Variants in ALPK1 observed in about 807,000 individuals in gnomAD.
The protein encoded by ALPK1 is alpha-protein kinase 1.
A neutral mutation model predicts 120.6 loss-of-function variants in ALPK1; 110 were observed. The ratio of observed to expected loss-of-function variants is 0.91; its 90% CI spans 0.78 to 1.07. The LOEUF is 1.07. ALPK1 is among the 50% of genes least tolerant of loss of function. The pLI, the probability that ALPK1 is intolerant of heterozygous loss-of-function variation, is 0.00. For synonymous variants in ALPK1, 582 were observed against 560.3 expected (o/e 1.04, Z -0.55); for missense variants, 1,498 against 1,483.9 (o/e 1.01, Z -0.16).
chr4:112,410,490 G>A (rs914590874), intron 4 of ALPK1, among the ~76,000 whole-genome samples: 1 of 152,226 alleles, frequency 6.6e-6, no homozygotes, highest in Admixed American at 6.5e-5. Flanking sequence ...GTAAGTGTTA[G>A]TACTTAGGAT....
chr4:112,352,186 C>T (rs17589910), intron 2 of ALPK1, among the ~76,000 whole-genome samples: 4,702 of 152,200 alleles, frequency 0.031, 127 homozygotes, highest in South Asian at 0.12. Context: ...TCATCAAATG[C>T]GGAACAACTA....
chr4:112,333,702 A>C (rs189143884), intron 2 of ALPK1, among the ~76,000 whole-genome samples: 3 of 152,332 alleles, frequency 2.0e-5, no homozygotes, highest in East Asian at 3.9e-4. Flanking sequence ...AGCACTTAAG[A>C]ATCCATTTTC....
intron 10 of ALPK1, among the ~76,000 whole-genome samples, chr4:112,429,698 G>A (rs1431870680): frequency 6.6e-6 from 1 of 151,950 alleles, no homozygotes; most frequent in Admixed American, 6.5e-5. Flanking sequence ...AAATTGGCCA[G>A]GTGTGGTGGT....
intron 3 of ALPK1, among the ~76,000 whole-genome samples, chr4:112,382,191 G>T (rs566080965): frequency 6.6e-6 from 1 of 152,046 alleles, no homozygotes; most frequent in African/African-American, 2.4e-5. Flanking sequence ...GGCAAAGTCG[G>T]CCAGGGCCAC....
Position 112,438,496 on chromosome 4 carries a change from A to G in ALPK1, c.3201A>G (p.Lys1067=), listed in dbSNP as rs762767049. 1 of 1,613,256 alleles carries G rather than the reference A, an allele frequency of 6.2e-7. No individual in the cohort carries two copies. The highest frequency in any genetic ancestry group is 1.3e-5 in the African/African-American group (1 of 74,962). Residue 1067 remains lysine (K), a synonymous_variant, in exon 13 of 16, where the codon AAA becomes AAG. Coordinates refer to ENST00000650871, the MANE Select transcript of ALPK1 (RefSeq NM_025144.4). ...TCTTTGTTCATAGGTATGTTGGGAA[A>G]GACTATAAGGAGCAGAAGGGGCTCT... ...QEEILGRYVG[K]DYKEQKGLWH... is the part of the protein sequence containing the mutation.
intron 2 of ALPK1, among the ~76,000 whole-genome samples, chr4:112,316,633 T>A (rs913658660): frequency 2.0e-5 from 3 of 152,328 alleles, no homozygotes; most frequent in Admixed American, 2.0e-4. Flanking sequence ...CTTTCCAACA[T>A]GTTATTTTCT....
chr4:112,359,730 T>TGCCC (rs1730830438), intron 2 of ALPK1: 1 of 304,454 alleles, frequency 3.3e-6, no homozygotes, highest in African/African-American at 2.3e-5. Flanking sequence ...GCATGCAGTA[T>TGCCC]CTGAGTGGGG....
At chr4:112,366,960 C>T (rs550148414) in intron 2 of ALPK1, among the ~76,000 whole-genome samples, 277 of 152,260 alleles carry the variant, frequency 1.8e-3, no homozygotes, top group Admixed American at 2.9e-3. Flanking sequence ...GAAAACCAAA[C>T]GTCGTATGTT....
intron 4 of ALPK1, chr4:112,383,299 A>G (rs1362423654): frequency 6.6e-6 from 1 of 151,478 alleles, no homozygotes; most frequent in Non-Finnish European, 1.5e-5. Context: ...ATATATATAT[A>G]TATTTTCTCA....
chr4:112,361,311 G>A (rs904587883), intron 2 of ALPK1, among the ~76,000 whole-genome samples: 2 of 152,170 alleles, frequency 1.3e-5, no homozygotes, highest in African/African-American at 4.8e-5. Flanking sequence ...CCTGTGACAA[G>A]TTCTCAGCCC....
Position 112,430,965 on chromosome 4 carries a change from A to G in ALPK1, c.1418A>G (p.Asp473Gly). Residue 473 changes from aspartate (D) to glycine (G), a missense_variant, in exon 11 of 16, where the codon GAT (aspartate) becomes GGT (glycine). Asp to Gly is a moderately conservative substitution (Grantham distance 94). Coordinates refer to ENST00000650871, the MANE Select transcript of ALPK1 (RefSeq NM_025144.4). ...HTSVCEVFESDCGNNKNEQKD... is the reference protein window; with the variant it reads ...HTSVCEVFESGCGNNKNEQKD... The stretch of plus-strand genomic sequence containing the variant: ...TCGGTGTGTGAAGTATTTGAAAGTG[A>G]TTGTGGAAACAACAAAAATGAACAG... 1 of 1,613,920 alleles carries G rather than the reference A, an allele frequency of 6.2e-7. No homozygotes were observed. The highest frequency in any genetic ancestry group is 8.5e-7 in the Non-Finnish European group (1 of 1,179,818).
Position 112,438,530 on chromosome 4 carries a change from T to C in ALPK1, c.3235T>C (p.Phe1079Leu). ...YKEQKGLWHHFTDVERQMTAQ... is the reference protein window; with the variant it reads ...YKEQKGLWHHLTDVERQMTAQ... ...GGAGCAGAAGGGGCTCTGGCACCAC[T>C]TCACTGATGTGGAGCGACAGATGAC... The change falls in exon 13 of 16, where the codon TTC becomes CTC. Residue 1079 changes from phenylalanine to leucine, a missense_variant. Transcript: ENST00000650871. 6.2e-7 allele frequency: 1 copy of C among 1,613,766 alleles called. No homozygotes were observed. The highest frequency in any genetic ancestry group is 8.5e-7 in the Non-Finnish European group (1 of 1,179,746).
intron 5 of ALPK1, among the ~76,000 whole-genome samples, chr4:112,419,800 G>A (rs1733909684): frequency 6.6e-6 from 1 of 152,214 alleles, no homozygotes; most frequent in Non-Finnish European, 1.5e-5. Context: ...GGACTTTCAT[G>A]GCAGGCTGCC....
intron 9 of ALPK1, 46 bp from the exon 10 acceptor site, chr4:112,429,103 G>A (rs149661360): frequency 5.2e-6 from 8 of 1,537,412 alleles, no homozygotes; most frequent in East Asian, 2.2e-5. Context: ...TTTGCTCATC[G>A]ATAATTAATT....
intron 6 of ALPK1, among the ~76,000 whole-genome samples, 153 bp downstream of exon 6, chr4:112,424,156 G>C (rs372439668): frequency 6.6e-6 from 1 of 151,594 alleles, no homozygotes; most frequent in East Asian, 1.9e-4. Context: ...AAGAAGCTTT[G>C]ATCAAGCAGC....
chr4:112,321,250 G>A (rs2110545386), intron 2 of ALPK1, among the ~76,000 whole-genome samples: 1 of 151,454 alleles, frequency 6.6e-6, no homozygotes, highest in South Asian at 2.1e-4. Context: ...TCTTTTCTTG[G>A]TTAATCTCAC....
At chr4:112,310,915 G>A (rs922334777) in intron 1 of ALPK1, among the ~76,000 whole-genome samples, 6 of 151,558 alleles carry the variant, frequency 4.0e-5, no homozygotes, top group Admixed American at 1.3e-4. Context: ...TTGGGAGAGC[G>A]GAAGTAGCAC....
At chr4:112,352,926 CTCTT>C (rs966333032) in intron 2 of ALPK1, 4 of 148,414 alleles carry the variant, frequency 2.7e-5, no homozygotes, top group African/African-American at 9.9e-5. Context: ...TTCTTTCTCT[CTCTT>C]TCTGTCTTCT....
chr4:112,356,020 C>A, intron 2 of ALPK1: 1 of 687,718 alleles, frequency 1.5e-6, no homozygotes, highest in Non-Finnish European at 2.7e-6. Context: ...TGTGCATGCT[C>A]GCATCACTTA....
Sources: gnomAD v4.1 joint callset for allele counts (sites outside exome capture counted in the v4.1 genomes callset) on GRCh38, gnomAD v4.1.1 for gene constraint, MANE v1.5 for transcripts, NCBI Gene and HGNC (gene_info 2026-07-23, HGNC 2026-07-21) for gene names.